The following MARCHF1 variants were observed in gnomAD, a reference collection of about 807,000 sequenced individuals.
MARCHF1 encodes membrane associated ring-CH-type finger 1, also known as E3 ubiquitin-protein ligase MARCHF1.
MARCHF1 carries 40 observed loss-of-function variants against 54.2 expected under a neutral mutation model. The ratio of observed to expected loss-of-function variants is 0.74; its 90% CI spans 0.57 to 0.96. The LOEUF is 0.96. Ranked by LOEUF, MARCHF1 falls within the 40% of genes least tolerant of loss-of-function variation. The probability of loss-of-function intolerance (pLI) is 0.00; values close to 1 mark genes in which losing one functional copy is unlikely to be tolerated. For synonymous variants in MARCHF1, 236 were observed against 236.3 expected (o/e 1.00, Z 0.01); for missense variants, 586 against 656.5 (o/e 0.89, Z 1.17).
chr4:164,259,197 C>T (rs1471006537), intron 1 of MARCHF1, among the ~76,000 whole-genome samples: 1 of 152,040 alleles, frequency 6.6e-6, no homozygotes, highest in Non-Finnish European at 1.5e-5. Context: ...TCCATCCCTG[C>T]ACATCACCTA....
chr4:164,369,058 T>A (rs545635910), intron 1 of MARCHF1, among the ~76,000 whole-genome samples: 2 of 135,510 alleles, frequency 1.5e-5, no homozygotes, highest in East Asian at 4.5e-4. Context: ...AGTTGTCCTA[T>A]GACTGAACGT....
chr4:164,157,636 G>T (rs1263268352), intron 1 of MARCHF1, among the ~76,000 whole-genome samples: 1 of 152,098 alleles, frequency 6.6e-6, no homozygotes, highest in Non-Finnish European at 1.5e-5. Context: ...TCTAGCATCT[G>T]GGTAATTCTT....
chr4:163,786,500 C>T (rs1264696898), intron 4 of MARCHF1, among the ~76,000 whole-genome samples: 1 of 151,764 alleles, frequency 6.6e-6, no homozygotes. Flanking sequence ...ACTAAATTTG[C>T]TTCTAAAACA....
chr4:163,707,992 G>C (rs7684918), intron 4 of MARCHF1, among the ~76,000 whole-genome samples: 9 of 151,574 alleles, frequency 5.9e-5, no homozygotes, highest in African/African-American at 1.9e-4. Flanking sequence ...AAACTAGAAG[G>C]CTAGAAAAGG....
intron 2 of MARCHF1, among the ~76,000 whole-genome samples, chr4:164,042,290 A>G (rs966931959): frequency 2.6e-5 from 4 of 152,102 alleles, no homozygotes; most frequent in African/African-American, 9.7e-5. Flanking sequence ...AGACTGAGTA[A>G]TGTATGAAAA....
intron 8 of MARCHF1, among the ~76,000 whole-genome samples, chr4:163,550,236 C>G (rs1404257714): frequency 7.1e-6 from 1 of 141,784 alleles, no homozygotes; most frequent in African/African-American, 2.7e-5. Flanking sequence ...GGGCCGAGAT[C>G]GCGCCACTGC....
At chr4:164,359,401 C>G (rs994015441) in intron 1 of MARCHF1, among the ~76,000 whole-genome samples, 2 of 152,178 alleles carry the variant, frequency 1.3e-5, no homozygotes. Context: ...GCTACTATTT[C>G]TGCTACACTT....
chr4:163,635,349 A>T (rs1202255035), intron 5 of MARCHF1, among the ~76,000 whole-genome samples: 1 of 151,556 alleles, frequency 6.6e-6, no homozygotes, highest in African/African-American at 2.4e-5. Context: ...ATAGACCGCT[A>T]GCAAGACTAA....
At chr4:164,044,472 G>A (rs1754198200) in intron 2 of MARCHF1, among the ~76,000 whole-genome samples, 1 of 152,000 alleles carries the variant, frequency 6.6e-6, no homozygotes. Flanking sequence ...GAGATCAAGG[G>A]GGAAGTCTGC....
chr4:164,174,915 T>G (rs2110988569), intron 1 of MARCHF1, among the ~76,000 whole-genome samples: 1 of 152,230 alleles, frequency 6.6e-6, no homozygotes, highest in Non-Finnish European at 1.5e-5. Context: ...TTTTGTTTTG[T>G]TTTTCATAAA....
At chr4:164,035,926 A>G (rs1753984903) in intron 2 of MARCHF1, among the ~76,000 whole-genome samples, 1 of 60,896 alleles carries the variant, frequency 1.6e-5, no homozygotes, top group South Asian at 9.3e-4. Context: ...ACTAAAACTA[A>G]AACTAAAAAA....
intron 5 of MARCHF1, among the ~76,000 whole-genome samples, chr4:163,694,720 T>C (rs145075400): frequency 2.0e-3 from 298 of 152,262 alleles, no homozygotes; most frequent in African/African-American, 6.9e-3. Context: ...GAGTCTGGAA[T>C]TTATGGCAGA....
chr4:163,824,331 T>C (rs993359071), intron 4 of MARCHF1, among the ~76,000 whole-genome samples: 3 of 151,428 alleles, frequency 2.0e-5, no homozygotes, highest in Non-Finnish European at 3.0e-5. Context: ...TCAGAAATAA[T>C]GCCGCATATC....
intron 1 of MARCHF1, among the ~76,000 whole-genome samples, chr4:164,331,813 A>T (rs1255176880): frequency 1.3e-5 from 2 of 152,226 alleles, no homozygotes; most frequent in Non-Finnish European, 2.9e-5. Context: ...TTTACAGTCT[A>T]GCTTATCTTT....
At chr4:163,741,836 C>G (rs1425667925) in intron 4 of MARCHF1, among the ~76,000 whole-genome samples, 1 of 152,056 alleles carries the variant, frequency 6.6e-6, no homozygotes, top group Non-Finnish European at 1.5e-5. Flanking sequence ...GGTTCACTAG[C>G]CATTGTGAAC....
chr4:163,734,530 G>A (rs1451265603), intron 4 of MARCHF1, among the ~76,000 whole-genome samples: 1 of 146,516 alleles, frequency 6.8e-6, no homozygotes, highest in African/African-American at 2.5e-5. Flanking sequence ...TAATCATGCT[G>A]AGTAAAAAAG....
At chr4:163,959,485 C>A (rs975640625) in intron 3 of MARCHF1, among the ~76,000 whole-genome samples, 1 of 151,698 alleles carries the variant, frequency 6.6e-6, no homozygotes, top group African/African-American at 2.4e-5. Context: ...CAATGGAACA[C>A]AATAGAGAGC....
At position 163,528,627 on chromosome 4, in the gene MARCHF1, A is replaced by G; in HGVS notation, c.*121T>C. The G allele has an allele frequency of 9.8e-7, 1 of 1,020,538 alleles. No individual in the cohort carries two copies. The highest frequency in any genetic ancestry group is 2.8e-5 in the Admixed American group (1 of 35,424). 63.2% of individuals were successfully genotyped at this position (1,020,538 alleles called of 1,614,324 possible). ...TCCTCTTTGAACAAAGTCAGGAAAA[A>G]TGTGTCAGTAGGAGAAAGGAGGAGC... is the stretch of plus-strand genomic sequence containing the variant. On this transcript the variant is annotated 3_prime_UTR_variant, in exon 10 of 10. Transcript: ENST00000514618.
intron 2 of MARCHF1, among the ~76,000 whole-genome samples, chr4:164,099,700 A>G (rs973945870): frequency 6.6e-6 from 1 of 152,158 alleles, no homozygotes; most frequent in Admixed American, 6.5e-5. Flanking sequence ...AAAACAAATG[A>G]GAGTTTGTCA....
Sources: gnomAD v4.1 joint callset for allele counts (sites outside exome capture counted in the v4.1 genomes callset) on GRCh38, gnomAD v4.1.1 for gene constraint, MANE v1.5 for transcripts, NCBI Gene and HGNC (gene_info 2026-07-23, HGNC 2026-07-21) for gene names.